The following GRM1 variants were observed in gnomAD, a reference collection of about 807,000 sequenced individuals.
The protein encoded by GRM1 is metabotropic glutamate receptor 1.
A neutral mutation model predicts 90.9 loss-of-function variants in GRM1; 33 were observed. The observed-to-expected ratio is 0.36, with a 90% CI of 0.28 to 0.49. GRM1 has a LOEUF of 0.49. Ranked by LOEUF, GRM1 falls within the 20% of genes least tolerant of loss-of-function variation. GRM1 has a pLI of 0.99. For missense variants in GRM1, 1,190 were observed against 1,534.3 expected (o/e 0.78, Z 3.75); for synonymous variants, 700 against 613.2 (o/e 1.14, Z -2.09).
intron 2 of GRM1, among the ~76,000 whole-genome samples, chr6:146,206,539 GT>G (rs780922604): frequency 6.6e-6 from 1 of 152,002 alleles, no homozygotes; most frequent in Non-Finnish European, 1.5e-5. Context: ...TGTATTCTCT[GT>G]CTCTCTGTCT....
rs766023029 is a variant in GRM1 at position 146,140,090 on chromosome 6, A to ATTCTTTCTTTCTTTCTTTCTTTCT, written c.701-19230_701-19207dup. Among the ~76,000 whole-genome samples the ATTCTTTCTTTCTTTCTTTCTTTCT allele has an allele frequency of 1.5e-3, 88 of 57,870 alleles. 1 individual carries two copies. The highest frequency in any genetic ancestry group is 6.1e-3 in the East Asian group (11 of 1,810). 38.0% of individuals were successfully genotyped at this position (57,870 alleles called of 152,430 possible). On this transcript the variant is annotated intron_variant, in intron 1 of 7. Transcript: ENST00000282753. ...CTCTTCTTTTCTCCTTTCTTTCTTTATTCTTTCTTTCTTTCTTTCTTTCTT... is the reference window on the plus strand; with the variant it reads ...CTCTTCTTTTCTCCTTTCTTTCTTTATTCTTTCTTTCTTTCTTTCTTTCTTTCTTTCTTTCTTTCTTTCTTTCTT...
chr6:146,218,429 G>A (rs1311997931), intron 2 of GRM1, among the ~76,000 whole-genome samples: 1 of 152,136 alleles, frequency 6.6e-6, no homozygotes, highest in Non-Finnish European at 1.5e-5. Context: ...AAAATATTTG[G>A]GATAAAGATG....
chr6:146,434,604 G>A lies in GRM1; in HGVS notation c.3393G>A (p.Leu1131=), dbSNP rs200483188. 6.2e-7 allele frequency: 1 copy of A among 1,613,448 alleles called. No homozygotes were observed. The highest frequency in any genetic ancestry group is 2.2e-5 in the East Asian group (1 of 44,874). ...EDELEEEEED[L]QAASKLTPDD... ...AACTGGAAGAGGAGGAGGAGGACCT[G>A]CAGGCGGCCAGCAAACTGACCCCGG... The change falls in exon 8 of 8, where the codon CTG becomes CTA. Residue 1131 remains leucine (L), a synonymous_variant. Coordinates refer to ENST00000282753, the MANE Select transcript of GRM1 (RefSeq NM_001278064.2).
chr6:146,377,150 T>G (rs1776131904), intron 5 of GRM1, among the ~76,000 whole-genome samples: 1 of 152,048 alleles, frequency 6.6e-6, no homozygotes, highest in African/African-American at 2.4e-5. Flanking sequence ...ATTAGCAGCA[T>G]GAGAGCAGAC....
In GRM1 at chr6:146,168,612, C is replaced by T. The variant is rs117848856; in HGVS notation, c.950+9015C>T. Among the ~76,000 whole-genome samples the T allele has an allele frequency of 5.3e-5, 8 of 151,936 alleles. No individual in the cohort carries two copies. The East Asian group carries it at 9.7e-4, about 18-fold the overall frequency. On this transcript the variant is annotated intron_variant, in intron 2 of 7. Transcript: ENST00000282753. ...TATTTTTTTTCTGCCTAAAGAATTT[C>T]GTTTAACATCACTTGTGGGACTTAT...
At chr6:146,187,730 G>A (rs1778783528) in intron 2 of GRM1, among the ~76,000 whole-genome samples, 1 of 140,856 alleles carries the variant, frequency 7.1e-6, no homozygotes, top group Non-Finnish European at 1.5e-5. Context: ...CAACAACTAG[G>A]CACAAAACAT....
intron 1 of GRM1, among the ~76,000 whole-genome samples, chr6:146,137,215 T>C (rs193302385): frequency 1.3e-5 from 2 of 152,218 alleles, no homozygotes; most frequent in Non-Finnish European, 2.9e-5. Flanking sequence ...CCTATTCTTG[T>C]GGAGTATACT....
chr6:146,415,570 C>T (rs908421562), intron 7 of GRM1, among the ~76,000 whole-genome samples: 1 of 152,216 alleles, frequency 6.6e-6, no homozygotes, highest in Admixed American at 6.5e-5. Context: ...ATGTATTCAT[C>T]TATCTTTTTG....
intron 1 of GRM1, among the ~76,000 whole-genome samples, chr6:146,140,330 A>G (rs1002984006): frequency 2.6e-5 from 4 of 151,826 alleles, no homozygotes; most frequent in Admixed American, 6.6e-5. Flanking sequence ...AGTGCAGTGC[A>G]CGATCTCAGC....
chr6:146,366,975 G>A (rs1775715443), intron 5 of GRM1, among the ~76,000 whole-genome samples: 1 of 152,030 alleles, frequency 6.6e-6, no homozygotes, highest in Non-Finnish European at 1.5e-5. Context: ...AATCTTTGCC[G>A]AGACCAATGT....
intron 1 of GRM1, among the ~76,000 whole-genome samples, chr6:146,058,989 T>C (rs1297003164): frequency 6.6e-6 from 1 of 152,116 alleles, no homozygotes; most frequent in African/African-American, 2.4e-5. Context: ...GTCTTAAACC[T>C]CTCAAAGACC....
In GRM1 at chr6:146,102,781, T is replaced by C. The variant is rs544751794; in HGVS notation, c.701-56567T>C. 4.6e-5 allele frequency among the ~76,000 whole-genome samples: 7 copies of C among 152,344 alleles called. No individual in the cohort carries two copies. The East Asian group carries it at 1.2e-3, about 25-fold the overall frequency. On this transcript the variant is annotated intron_variant, in intron 1 of 7. Transcript: ENST00000282753. ...ACAGAGTATCATACAAGTACTCACT[T>C]ACTGATTTTTTTCAACACTTTTAGG...
chr6:146,347,032 C>G (rs1388990614), intron 3 of GRM1, among the ~76,000 whole-genome samples: 1 of 152,178 alleles, frequency 6.6e-6, no homozygotes, highest in East Asian at 1.9e-4. Context: ...AAAGGTACCA[C>G]TGTACCTACG....
At chr6:146,252,957 G>C (rs1420015446) in intron 2 of GRM1, among the ~76,000 whole-genome samples, 1 of 149,942 alleles carries the variant, frequency 6.7e-6, no homozygotes, top group Non-Finnish European at 1.5e-5. Flanking sequence ...CTACTCAGGA[G>C]GCTGAGGCAA....
At chr6:146,098,811 G>A (rs1776954728) in intron 1 of GRM1, among the ~76,000 whole-genome samples, 1 of 151,644 alleles carries the variant, frequency 6.6e-6, no homozygotes, top group African/African-American at 2.4e-5. Flanking sequence ...CTTTTTCTTG[G>A]CACTTCTCCT....
rs774851565 is a variant in GRM1 at position 146,029,558 on chromosome 6, T to G, written c.41T>G (p.Leu14Trp). Reference protein sequence around the residue: ...LLLFFFPAIFLEVSLLPRSPG... With the variant: ...LLLFFFPAIFWEVSLLPRSPG... Reference sequence around the variant, plus strand: ...TTGTTTTTTTTCCCAGCGATCTTTTTGGAGGTGTCCCTTCTCCCCAGAAGC... The same window carrying G: ...TTGTTTTTTTTCCCAGCGATCTTTTGGGAGGTGTCCCTTCTCCCCAGAAGC... The change falls in exon 1 of 8, where the codon TTG becomes TGG. Residue 14 changes from leucine (L) to tryptophan (W), a missense_variant. Around this residue, in one of 10 missense-constraint regions of GRM1, gnomAD observed 44 missense variants for 35.8 expected, o/e 1.23. Coordinates refer to ENST00000282753, the MANE Select transcript of GRM1 (RefSeq NM_001278064.2). 33 of 1,613,962 alleles carry G rather than the reference T, an allele frequency of 2.0e-5. No individual in the cohort carries two copies. The highest frequency in any genetic ancestry group is 2.8e-5 in the Non-Finnish European group (33 of 1,179,996).
intron 2 of GRM1, among the ~76,000 whole-genome samples, chr6:146,205,181 T>A (rs1303699179): frequency 6.6e-6 from 1 of 152,208 alleles, no homozygotes; most frequent in Non-Finnish European, 1.5e-5. Context: ...TCTATAATAC[T>A]CAAAGATTTT....
At chr6:146,041,005 C>T (rs1386208080) in intron 1 of GRM1, among the ~76,000 whole-genome samples, 1 of 151,726 alleles carries the variant, frequency 6.6e-6, no homozygotes, top group Non-Finnish European at 1.5e-5. Flanking sequence ...AAATTCTTTC[C>T]TCTGCTTCAT....
At chr6:146,351,755 T>C (rs1785418573) in intron 3 of GRM1, among the ~76,000 whole-genome samples, 3 of 152,086 alleles carry the variant, frequency 2.0e-5, no homozygotes, top group South Asian at 4.1e-4. Context: ...CTCTGGATTT[T>C]TGTGGCCCTA....
Sources: gnomAD v4.1 joint callset for allele counts (sites outside exome capture counted in the v4.1 genomes callset) on GRCh38, gnomAD v4.1.1 for gene constraint, gnomAD v4.1.1 regional missense constraint, MANE v1.5 for transcripts, NCBI Gene and HGNC (gene_info 2026-07-23, HGNC 2026-07-21) for gene names.